ZNF254: variants seen among roughly 807,000 people sequenced by gnomAD.
The protein encoded by ZNF254 is zinc finger protein 254.
ZNF254 carries 10 observed loss-of-function variants against 12.4 expected under a neutral mutation model. The ratio of observed to expected loss-of-function variants is 0.80; its 90% CI spans 0.50 to 1.36. ZNF254 has a LOEUF of 1.36. ZNF254 is among the 40% of genes most tolerant of loss of function. The pLI is 0.00. For missense variants in ZNF254, 996 were observed against 763.9 expected, an observed-to-expected ratio of 1.30 and a Z score of -3.58; for synonymous variants, 305 against 253.4, an observed-to-expected ratio of 1.20 and a Z score of -1.93.
intron 1 of ZNF254, among the ~76,000 whole-genome samples, chr19:24,101,031 T>C (rs1424682584): frequency 1.3e-5 from 2 of 152,188 alleles, no homozygotes; most frequent in Non-Finnish European, 2.9e-5. Context: ...TTCTTCATGT[T>C]GGTCAGGCTG....
chr19:24,040,700 G>C (rs1970122946), intron 1 of ZNF254, among the ~76,000 whole-genome samples: 1 of 152,184 alleles, frequency 6.6e-6, no homozygotes, highest in African/African-American at 2.4e-5. Context: ...TGAGCACATA[G>C]TACAAGCTCA....
rs760704306 is a variant in ZNF254, at chr19:24,106,617, G to A, written c.227G>A (p.Arg76Gln). The A allele has an allele frequency of 6.3e-6, 10 of 1,583,570 alleles. No homozygotes were observed. Among genetic ancestry groups the A allele is most frequent in the African/African-American group, 4.0e-5 (3 of 74,098 alleles). ...EQGKEPWNMK[R>Q]HEMVDEPPGM... ...GGGAAAGAGCCCTGGAATATGAAGC[G>A]ACATGAGATGGTGGATGAACCCCCA... Residue 76 changes from arginine to glutamine, a missense_variant, in exon 3 of 4, where the codon CGA becomes CAA. Physicochemically the swap from Arg to Gln is conservative, Grantham distance 43 (BLOSUM62 1). Coordinates refer to ENST00000357002, the MANE Select transcript of ZNF254 (RefSeq NM_203282.4).
At chr19:24,123,326 G>A (rs1974612985) in intron 3 of ZNF254, among the ~76,000 whole-genome samples, 1 of 152,118 alleles carries the variant, frequency 6.6e-6, no homozygotes, top group Admixed American at 6.6e-5. Flanking sequence ...TTTGGCTTAA[G>A]ATGTGGTTTA....
chr19:24,048,049 C>CAG (rs1001083331), intron 2 of ZNF254, among the ~76,000 whole-genome samples: 40 of 138,370 alleles, frequency 2.9e-4, no homozygotes, highest in African/African-American at 1.1e-3. Flanking sequence ...CTCTGTCACC[C>CAG]AGAGGTAGGT....
chr19:24,091,872 A>C, intron 1 of ZNF254: 4 of 955,082 alleles, frequency 4.2e-6, no homozygotes, highest in Non-Finnish European at 5.0e-6. Flanking sequence ...AAGTGTTCCT[A>C]TGTGATTAAT....
upstream of ZNF254, among the ~76,000 whole-genome samples, chr19:24,086,615 T>G (rs1972049911): frequency 1.3e-5 from 2 of 152,130 alleles, no homozygotes; most frequent in Non-Finnish European, 2.9e-5. Flanking sequence ...GAAGCTGGTA[T>G]TACAGGCACG....
Position 24,128,281 on chromosome 19 carries a change from A to G in ZNF254, c.*301A>G. The G allele has an allele frequency of 3.5e-6, 1 of 287,360 alleles. No homozygotes were observed. Among genetic ancestry groups the G allele is most frequent in the Non-Finnish European group, 6.4e-6 (1 of 156,200 alleles). 17.8% of individuals were successfully genotyped at this position (287,360 alleles called of 1,614,324 possible). A position where few individuals can be genotyped will look rare whatever the true frequency, so the allele number is the denominator to read the frequency against. On this transcript the variant is annotated 3_prime_UTR_variant, in exon 4 of 4. Transcript: ENST00000357002. ...GCACAGGAAAGCATTTATACTTGAG[A>G]AGAAATGTACAAATATTGGCAAAGT... is the stretch of plus-strand genomic sequence containing the variant.
chr19:24,034,498 T>G (rs1250510998), intron 1 of ZNF254, among the ~76,000 whole-genome samples: 1 of 136,208 alleles, frequency 7.3e-6, no homozygotes, highest in Admixed American at 7.5e-5. Flanking sequence ...GTTTTTTTTT[T>G]TTTTTTTTTT....
intron 1 of ZNF254, among the ~76,000 whole-genome samples, chr19:24,090,266 G>T (rs907074930): frequency 6.6e-6 from 1 of 151,956 alleles, no homozygotes; most frequent in Non-Finnish European, 1.5e-5. Context: ...AGTAAAATGC[G>T]CCTGAGACAC....
At position 24,128,593 on chromosome 19, in the gene ZNF254, A is replaced by G. The variant is rs1975052892; in HGVS notation, c.*613A>G. 1 of 152,132 alleles carries G rather than the reference A, an allele frequency of 6.6e-6. No individual in the cohort carries two copies. The highest frequency in any genetic ancestry group is 2.1e-4 in the South Asian group (1 of 4,834). The allele number at this position is 152,132 out of a possible 1,614,324, so 9.4% of individuals were successfully genotyped here. On this transcript the variant is annotated 3_prime_UTR_variant, in exon 4 of 4. Coordinates refer to ENST00000357002, the MANE Select transcript of ZNF254 (RefSeq NM_203282.4). ...AGTTTAAGAAAACCCTGCAAGTATA[A>G]TGAATTTGGAAAAACATTTTTTCAA...
intron 1 of ZNF254, among the ~76,000 whole-genome samples, chr19:24,041,920 G>T (rs1217954025): frequency 6.6e-6 from 1 of 151,198 alleles, no homozygotes; most frequent in East Asian, 2.0e-4. Flanking sequence ...GACGTGGAGA[G>T]TCTTTATATC....
chr19:24,083,434 A>G (rs1369379276), upstream of ZNF254, among the ~76,000 whole-genome samples: 1 of 152,184 alleles, frequency 6.6e-6, no homozygotes, highest in Non-Finnish European at 1.5e-5. Flanking sequence ...AAATAACATC[A>G]TAATTTCCTC....
intron 3 of ZNF254, 86 bp from the exon 4 acceptor site, chr19:24,126,168 G>C: frequency 1.1e-6 from 1 of 930,462 alleles, no homozygotes; most frequent in East Asian, 3.0e-5. Context: ...TATGTAGTTT[G>C]TATAATTTTA....
intron 1 of ZNF254, among the ~76,000 whole-genome samples, chr19:24,044,677 T>C (rs999344362): frequency 3.9e-5 from 6 of 152,236 alleles, no homozygotes; most frequent in African/African-American, 1.4e-4. Context: ...AATTAGAGAA[T>C]ATATTCGAAA....
At chr19:24,081,076 CAAA>C (rs112442439) in intron 2 of ZNF254, among the ~76,000 whole-genome samples, 11 of 123,440 alleles carry the variant, frequency 8.9e-5, no homozygotes, top group Admixed American at 2.5e-4. Flanking sequence ...GACTCCTTCT[CAAA>C]AAAAAAAAAA....
At chr19:24,090,923 T>G (rs1369014168) in intron 1 of ZNF254, among the ~76,000 whole-genome samples, 1 of 111,896 alleles carries the variant, frequency 8.9e-6, no homozygotes, top group Non-Finnish European at 1.7e-5. Flanking sequence ...CTCGGACATG[T>G]TTTTTTTTAT....
intron 1 of ZNF254, among the ~76,000 whole-genome samples, chr19:24,100,949 T>C (rs1972989004): frequency 6.6e-6 from 1 of 152,064 alleles, no homozygotes; most frequent in South Asian, 2.1e-4. Flanking sequence ...TGCCTCAGCT[T>C]TCTGAGTAGC....
At chr19:24,046,233 A>C (rs58473362) in exon 2 of ZNF254, 24,131 of 151,808 alleles carry the variant, frequency 0.16, 2,063 homozygotes, top group Middle Eastern at 0.23. Flanking sequence ...AGGGAAAGAA[A>C]GAGCCCTGGA....
intron 2 of ZNF254, among the ~76,000 whole-genome samples, chr19:24,052,028 C>T (rs1450064775): frequency 6.6e-6 from 1 of 151,964 alleles, no homozygotes; most frequent in East Asian, 1.9e-4. Context: ...TATTGCTGAG[C>T]CCATTATATA....
Sources: gnomAD v4.1 joint callset for allele counts (sites outside exome capture counted in the v4.1 genomes callset) on GRCh38, gnomAD v4.1.1 for gene constraint, MANE v1.5 for transcripts, NCBI Gene and HGNC (gene_info 2026-07-23, HGNC 2026-07-21) for gene names.